The following SETD3 variants were observed in gnomAD, a reference collection of about 807,000 sequenced individuals.
The protein encoded by SETD3 is actin-histidine N-methyltransferase.
SETD3 carries 19 observed loss-of-function variants against 63.0 expected under a neutral mutation model. The observed-to-expected ratio is 0.30, with a 90% confidence interval of 0.21 to 0.44. The LOEUF is 0.44. Among genes scored for constraint, SETD3 ranks in the 20% least tolerant of loss-of-function variants. SETD3 has a pLI of 1.00. For missense variants in SETD3, 587 were observed against 728.5 expected (o/e 0.81, Z 2.24); for synonymous variants, 286 against 264.1 (o/e 1.08, Z -0.80).
chr14:99,405,394 G>C, intron 9 of SETD3, 23 bp from the exon 10 acceptor site: 1 of 1,606,508 alleles, frequency 6.2e-7, no homozygotes, highest in Non-Finnish European at 8.5e-7. Flanking sequence ...AAAGAAAAAA[G>C]AAAAGGGCAT....
intron 6 of SETD3, among the ~76,000 whole-genome samples, chr14:99,436,803 T>A (rs1893509725): frequency 6.6e-6 from 1 of 152,214 alleles, no homozygotes; most frequent in Non-Finnish European, 1.5e-5. Context: ...TGTATTTTTT[T>A]ATCCAGTAAG....
chr14:99,415,123 T>C (rs1053213757), intron 6 of SETD3, among the ~76,000 whole-genome samples: 1 of 152,254 alleles, frequency 6.6e-6, no homozygotes, highest in African/African-American at 2.4e-5. Flanking sequence ...TAAAGTTCCT[T>C]CACTTGCAAT....
At chr14:99,437,685 G>A (rs1208289551) in intron 6 of SETD3, among the ~76,000 whole-genome samples, 1 of 151,672 alleles carries the variant, frequency 6.6e-6, no homozygotes, top group East Asian at 1.9e-4. Context: ...GTGTATACGT[G>A]TGTGTGTGTG....
rs116623567 is a variant in SETD3, at chr14:99,402,939, T to C, written c.1177+1286A>G. Among the ~76,000 whole-genome samples the C allele has an allele frequency of 2.3e-3, 350 of 152,334 alleles. 1 individual carries two copies. The highest frequency in any genetic ancestry group is 7.8e-3 in the African/African-American group (325 of 41,582). On this transcript the variant is annotated intron_variant, in intron 11 of 12. Coordinates refer to ENST00000331768, the MANE Select transcript of SETD3 (RefSeq NM_032233.3). ...TGCCTTGAGTACATGAACTGCAACA[T>C]TCAATTCTGTATCCATATATATGCA...
chr14:99,461,371 G>C (rs1328945410), intron 3 of SETD3, 31 bp from the exon 4 acceptor site: 1 of 1,602,302 alleles, frequency 6.2e-7, no homozygotes, highest in Non-Finnish European at 8.5e-7. Flanking sequence ...GAAAACAAGA[G>C]CTACTTTTAG....
chr14:99,454,101 TA>T (rs921875037), intron 6 of SETD3, among the ~76,000 whole-genome samples: 2 of 152,218 alleles, frequency 1.3e-5, no homozygotes, highest in Admixed American at 6.5e-5. Context: ...AACATGGTTT[TA>T]AAAATAGCAA....
chr14:99,481,971 G>C (rs1205394924), upstream of SETD3, among the ~76,000 whole-genome samples: 3 of 152,190 alleles, frequency 2.0e-5, no homozygotes, highest in Non-Finnish European at 4.4e-5. Context: ...TGAGGAAAAG[G>C]CACTTCCGGG....
intron 1 of SETD3, among the ~76,000 whole-genome samples, chr14:99,476,588 A>G (rs1422844662): frequency 6.6e-6 from 1 of 152,242 alleles, no homozygotes; most frequent in Non-Finnish European, 1.5e-5. Context: ...AACAAATCAA[A>G]AATGTTATTA....
At chr14:99,442,677 G>C (rs1303887374) in intron 6 of SETD3, among the ~76,000 whole-genome samples, 2 of 152,146 alleles carry the variant, frequency 1.3e-5, no homozygotes, top group Non-Finnish European at 2.9e-5. Flanking sequence ...TTACTTTATT[G>C]TAATACAGTA....
chr14:99,482,893 T>C (rs532796606), upstream of SETD3, among the ~76,000 whole-genome samples: 9 of 152,342 alleles, frequency 5.9e-5, no homozygotes, highest in African/African-American at 1.9e-4. Flanking sequence ...GACAGTGTTT[T>C]CTGCTTGTTT....
At chr14:99,446,701 G>A (rs1389513749) in intron 6 of SETD3, among the ~76,000 whole-genome samples, 3 of 152,226 alleles carry the variant, frequency 2.0e-5, no homozygotes, top group East Asian at 1.9e-4. Context: ...GCCAAGGACC[G>A]CAGTCAGGTA....
chr14:99,477,015 TC>T (rs1896007245), intron 1 of SETD3, among the ~76,000 whole-genome samples: 1 of 152,154 alleles, frequency 6.6e-6, no homozygotes. Flanking sequence ...CTCCCCTACT[TC>T]CCCATCCCAG....
rs148320939 is a variant in SETD3, at chr14:99,448,343, G to A, written c.675+9936C>T. On this transcript the variant is annotated intron_variant, in intron 6 of 12. Coordinates refer to ENST00000331768, the MANE Select transcript of SETD3 (RefSeq NM_032233.3). ...AGTGGCAGTGGCAGAAGCGTCATCT[G>A]CAGCTCTCAGCACAGCTTCAGCCCC... 1.4e-4 allele frequency among the ~76,000 whole-genome samples: 21 copies of A among 152,282 alleles called. 1 individual carries two copies. Among genetic ancestry groups the A allele is most frequent in the Admixed American group, 2.6e-4 (4 of 15,300 alleles).
intron 6 of SETD3, among the ~76,000 whole-genome samples, chr14:99,427,041 G>A (rs770981669): frequency 1.3e-5 from 2 of 152,206 alleles, no homozygotes; most frequent in Admixed American, 6.5e-5. Flanking sequence ...GCAAGAGAGC[G>A]TGGGGGGCAG....
At chr14:99,440,397 T>C (rs1046737507) in intron 6 of SETD3, among the ~76,000 whole-genome samples, 2 of 152,162 alleles carry the variant, frequency 1.3e-5, no homozygotes, top group Non-Finnish European at 2.9e-5. Context: ...AGGCTCGAAC[T>C]GTCGATAATC....
chr14:99,405,391 A>C lies in SETD3; in HGVS notation c.925-20T>G, dbSNP rs1281174909. ...GTAAATCTGAGATGCAGTAAAGAAA[A>C]AAGAAAAGGGCATTAGACAAACTTG... is the stretch of plus-strand genomic sequence containing the variant. On this transcript the variant is annotated intron_variant, in intron 9 of 12. Coordinates refer to ENST00000331768, the MANE Select transcript of SETD3 (RefSeq NM_032233.3). The C allele has an allele frequency of 6.2e-7, 1 of 1,607,928 alleles. No individual in the cohort carries two copies.
intron 11 of SETD3, among the ~76,000 whole-genome samples, chr14:99,403,891 G>T (rs146079193): frequency 5.3e-5 from 8 of 152,266 alleles, no homozygotes; most frequent in Non-Finnish European, 1.2e-4. Context: ...AAGTGAAAAA[G>T]ACTAGTGCCC....
chr14:99,415,643 T>C (rs1321681804), intron 6 of SETD3, among the ~76,000 whole-genome samples: 1 of 152,170 alleles, frequency 6.6e-6, no homozygotes, highest in Non-Finnish European at 1.5e-5. Flanking sequence ...CACTGCATTC[T>C]TCAGATTTTG....
chr14:99,463,973 A>C (rs1007482586), intron 2 of SETD3, among the ~76,000 whole-genome samples: 2 of 152,208 alleles, frequency 1.3e-5, no homozygotes, highest in Non-Finnish European at 2.9e-5. Flanking sequence ...TTAATAGTAA[A>C]AGTTAATAGT....
Sources: gnomAD v4.1 joint callset for allele counts (sites outside exome capture counted in the v4.1 genomes callset) on GRCh38, gnomAD v4.1.1 for gene constraint, MANE v1.5 for transcripts, NCBI Gene and HGNC (gene_info 2026-07-23, HGNC 2026-07-21) for gene names.